DDX10: variants seen among roughly 807,000 people sequenced by gnomAD.
DDX10 encodes DEAD-box helicase 10, also known as probable ATP-dependent RNA helicase DDX10.
A neutral mutation model predicts 104.3 loss-of-function variants in DDX10; 74 were observed. The observed-to-expected ratio is 0.71, with a 90% confidence interval of 0.59 to 0.86. The LOEUF (loss-of-function observed/expected upper bound fraction) is 0.86. DDX10 is among the 40% of genes least tolerant of loss of function. The pLI, the probability that DDX10 is intolerant of heterozygous loss-of-function variation, is 0.00. For synonymous variants in DDX10, 351 were observed against 353.4 expected (o/e 0.99, Z 0.08); for missense variants, 952 against 1,040.0 (o/e 0.92, Z 1.16).
Position 108,918,004 on chromosome 11 carries a change from G to A in DDX10, c.2436G>A (p.Met812Ile), listed in dbSNP as rs376045809. 11 of 1,613,438 alleles carry A rather than the reference G, an allele frequency of 6.8e-6. No individual in the cohort carries two copies. Among genetic ancestry groups the A allele is most frequent in the Non-Finnish European group, 9.3e-6 (11 of 1,179,822 alleles). The change falls in exon 17 of 18, where the codon ATG becomes ATA. Residue 812 changes from methionine (M) to isoleucine (I), a missense_variant. Met to Ile is a conservative substitution (Grantham distance 10, BLOSUM62 1). Around this residue, in one of 3 missense-constraint regions of DDX10, gnomAD observed 533 missense variants for 534.1 expected, o/e 1.00. Coordinates refer to ENST00000322536, the MANE Select transcript of DDX10 (RefSeq NM_004398.4). ...RSSEDSDSED[M>I]ENKISDTKKK... ...CTGAAGATTCAGATAGTGAAGATATGGAAAATAAAATAAGGTATGTTTTTA... is the reference window on the plus strand; with the variant it reads ...CTGAAGATTCAGATAGTGAAGATATAGAAAATAAAATAAGGTATGTTTTTA...
At chr11:108,725,775 G>A (rs934809597) in intron 13 of DDX10, among the ~76,000 whole-genome samples, 18 of 151,894 alleles carry the variant, frequency 1.2e-4, no homozygotes, top group African/African-American at 4.4e-4. Context: ...GCAAAGAGCA[G>A]GTATCTTAAA....
chr11:108,744,090 A>G (rs769640432), intron 13 of DDX10, among the ~76,000 whole-genome samples: 9 of 152,198 alleles, frequency 5.9e-5, no homozygotes, highest in Non-Finnish European at 1.0e-4. Flanking sequence ...AAAATGATTC[A>G]TAAGCTTTTT....
At chr11:108,883,065 T>TC (rs1456817491) in intron 16 of DDX10, among the ~76,000 whole-genome samples, 5 of 152,150 alleles carry the variant, frequency 3.3e-5, no homozygotes, top group East Asian at 1.9e-4. Flanking sequence ...ACGGGGTTTT[T>TC]CCCCCCTCTC....
Position 108,743,237 on chromosome 11 carries a change from A to G in DDX10, c.1965+19775A>G, listed in dbSNP as rs148892804. The stretch of plus-strand genomic sequence containing the variant: ...AGGTTGGTTCAACATATGCAAATCA[A>G]TAAATGTTATCCATCGTATAATCAG... On this transcript the variant is annotated intron_variant, in intron 13 of 17. Transcript: ENST00000322536. 3.1e-3 allele frequency among the ~76,000 whole-genome samples: 471 copies of G among 152,320 alleles called. 5 individuals carry two copies. Among genetic ancestry groups the G allele is most frequent in the African/African-American group, 0.011 (452 of 41,576 alleles).
intron 13 of DDX10, among the ~76,000 whole-genome samples, chr11:108,745,373 T>G (rs2094330638): frequency 6.6e-6 from 1 of 151,584 alleles, no homozygotes; most frequent in South Asian, 2.1e-4. Context: ...CCCAAGTAGC[T>G]GGGACTATAG....
chr11:108,846,820 A>AACGAG (rs113666697), intron 15 of DDX10, among the ~76,000 whole-genome samples: 1 of 149,860 alleles, frequency 6.7e-6, no homozygotes, highest in Non-Finnish European at 1.5e-5. Flanking sequence ...TTAGAGTACA[A>AACGAG]ACCAGACCAG....
intron 15 of DDX10, among the ~76,000 whole-genome samples, chr11:108,851,116 C>G (rs963699549): frequency 1.3e-5 from 2 of 151,896 alleles, no homozygotes; most frequent in African/African-American, 4.8e-5. Flanking sequence ...TAGCTATAGT[C>G]TTAATGTAAG....
chr11:108,795,986 T>G (rs1861935781), intron 13 of DDX10, among the ~76,000 whole-genome samples: 1 of 152,220 alleles, frequency 6.6e-6, no homozygotes, highest in African/African-American at 2.4e-5. Context: ...ATTGATTTTT[T>G]TTTCTAATAA....
chr11:108,872,402 A>G (rs1863094821), intron 16 of DDX10, among the ~76,000 whole-genome samples: 1 of 152,252 alleles, frequency 6.6e-6, no homozygotes, highest in African/African-American at 2.4e-5. Context: ...AGCATAAAAT[A>G]CTTAAGAAAA....
At chr11:108,752,562 ATGTC>A (rs1565267866) in intron 13 of DDX10, among the ~76,000 whole-genome samples, 3 of 152,076 alleles carry the variant, frequency 2.0e-5, no homozygotes, top group Admixed American at 6.6e-5. Flanking sequence ...GTACTTATGG[ATGTC>A]TGTTCTGAGT....
intron 13 of DDX10, among the ~76,000 whole-genome samples, chr11:108,764,653 C>T (rs548145801): frequency 1.3e-5 from 2 of 152,100 alleles, no homozygotes; most frequent in South Asian, 2.1e-4. Context: ...TGGACGAGAG[C>T]GAAACTCCAT....
chr11:108,811,678 A>G (rs1449910141), intron 13 of DDX10, among the ~76,000 whole-genome samples: 4 of 152,298 alleles, frequency 2.6e-5, no homozygotes, highest in South Asian at 2.1e-4. Context: ...GTCATCCAAC[A>G]TGCTTGCCTT....
At position 108,719,782 on chromosome 11, in the gene DDX10, C is replaced by T; in HGVS notation, c.1411-15C>T. 1 of 1,484,592 alleles carries T rather than the reference C, an allele frequency of 6.7e-7. No individual in the cohort carries two copies. The highest frequency in any genetic ancestry group is 1.1e-5 in the South Asian group (1 of 87,054). 92.0% of individuals were successfully genotyped at this position (1,484,592 alleles called of 1,614,324 possible). A position where few individuals can be genotyped will look rare whatever the true frequency, so the allele number is the denominator to read the frequency against. ...ATTTCTATTATATTGTACTTTTCAA[C>T]CTCTTAATTTACAGTGTTTCGTCTC... On this transcript the variant is annotated splice_polypyrimidine_tract_variant and intron_variant, in intron 11 of 17. Transcript: ENST00000322536.
At position 108,688,983 on chromosome 11, in the gene DDX10, A is replaced by C. The variant is rs773546509; in HGVS notation, c.896A>C (p.Gln299Pro). The C allele has an allele frequency of 1.8e-5, 29 of 1,613,952 alleles. No homozygotes were observed. The highest frequency in any genetic ancestry group is 2.4e-5 in the Non-Finnish European group (28 of 1,179,920). The change falls in exon 7 of 18, where the codon CAA becomes CCA. Residue 299 changes from glutamine to proline, a missense_variant. By Grantham distance (76) the Gln-to-Pro change is moderately conservative. Coordinates refer to ENST00000322536, the MANE Select transcript of DDX10 (RefSeq NM_004398.4). ...EQNYIVCELQQKISVLYSFLR... is the reference protein window; with the variant it reads ...EQNYIVCELQPKISVLYSFLR... ...AACTACATAGTCTGTGAGCTGCAGC[A>C]AAAAATAAGTGTGCTGTATTCCTTT...
intron 13 of DDX10, among the ~76,000 whole-genome samples, chr11:108,768,325 G>C (rs2094358808): frequency 6.6e-6 from 1 of 152,200 alleles, no homozygotes; most frequent in African/African-American, 2.4e-5. Flanking sequence ...CCTTTGGGAT[G>C]AAAGAATGAA....
intron 13 of DDX10, among the ~76,000 whole-genome samples, chr11:108,760,675 G>GTT (rs201234836): frequency 1.9e-4 from 24 of 129,702 alleles, no homozygotes; most frequent in South Asian, 2.5e-4. Context: ...ACATAACACT[G>GTT]TTTTTTTTTT....
At chr11:108,669,091 C>G (rs952408988) in intron 1 of DDX10, among the ~76,000 whole-genome samples, 4 of 148,508 alleles carry the variant, frequency 2.7e-5, no homozygotes, top group Admixed American at 6.7e-5. Context: ...AAGAGTGGAG[C>G]TAAGCTTTTT....
chr11:108,912,112 G>C (rs1362438821), intron 16 of DDX10, among the ~76,000 whole-genome samples: 1 of 152,064 alleles, frequency 6.6e-6, no homozygotes, highest in East Asian at 1.9e-4. Context: ...CAGAGTTCTG[G>C]AGCCTGGAAA....
intron 13 of DDX10, among the ~76,000 whole-genome samples, chr11:108,776,852 C>T (rs1340782485): frequency 2.0e-5 from 3 of 152,184 alleles, no homozygotes; most frequent in Non-Finnish European, 4.4e-5. Flanking sequence ...GACTTCAGTC[C>T]TACAACCGGA....
Sources: gnomAD v4.1 joint callset for allele counts (sites outside exome capture counted in the v4.1 genomes callset) on GRCh38, gnomAD v4.1.1 for gene constraint, gnomAD v4.1.1 regional missense constraint, MANE v1.5 for transcripts, NCBI Gene and HGNC (gene_info 2026-07-23, HGNC 2026-07-21) for gene names.